The following BNC2 variants were observed in gnomAD, a reference collection of about 807,000 sequenced individuals.
BNC2 encodes zinc finger protein basonuclin-2.
Under a neutral mutation model 76.3 loss-of-function variants are expected in BNC2, and 20 were observed. The ratio of observed to expected loss-of-function variants is 0.26; its 90% CI spans 0.18 to 0.38. The LOEUF is 0.38. Ranked by LOEUF, BNC2 falls within the 10% of genes least tolerant of loss-of-function variation. The pLI is 1.00. For synonymous variants in BNC2, 582 were observed against 514.8 expected, an observed-to-expected ratio of 1.13 and a Z score of -1.77; for missense variants, 1,382 against 1,399.8, an observed-to-expected ratio of 0.99 and a Z score of 0.20.
At chr9:16,814,418 A>C (rs1818131987) in intron 1 of BNC2, among the ~76,000 whole-genome samples, 1 of 152,228 alleles carries the variant, frequency 6.6e-6, no homozygotes, top group African/African-American at 2.4e-5. Flanking sequence ...TTGCAACTCA[A>C]ATATTCAAAG....
Position 16,436,808 on chromosome 9 carries a change from A to C in BNC2, c.1386T>G (p.Ala462=). The C allele has an allele frequency of 6.2e-7, 1 of 1,614,248 alleles. No individual in the cohort carries two copies. Among genetic ancestry groups the C allele is most frequent in the South Asian group, 1.1e-5 (1 of 91,086 alleles). The change falls in exon 6 of 7, where the codon GCT becomes GCG. Residue 462 remains alanine, a synonymous_variant. Coordinates refer to ENST00000380672, the MANE Select transcript of BNC2 (RefSeq NM_017637.6). Reference sequence around the variant, plus strand: ...ATCGATGTTTGATCTTCAGGTGAACAGCATTGTAATGAATTTTGAGAGTAC... The same window carrying C: ...ATCGATGTTTGATCTTCAGGTGAACCGCATTGTAATGAATTTTGAGAGTAC... The part of the protein sequence containing the change: ...DKGTLKIHYN[A]VHLKIKHRCT...
chr9:16,739,397 G>A (rs773153527), intron 1 of BNC2, among the ~76,000 whole-genome samples: 12 of 152,232 alleles, frequency 7.9e-5, no homozygotes, highest in Non-Finnish European at 1.5e-4. Flanking sequence ...GGCCGGGCAT[G>A]GTGGCTCACG....
intron 5 of BNC2, among the ~76,000 whole-genome samples, chr9:16,488,017 G>A (rs373506826): frequency 2.0e-5 from 3 of 151,872 alleles, no homozygotes; most frequent in Non-Finnish European, 4.4e-5. Flanking sequence ...ACCCCAATAC[G>A]ACTATTTTTG....
intron 3 of BNC2, among the ~76,000 whole-genome samples, chr9:16,698,229 G>A (rs1420495836): frequency 6.6e-6 from 1 of 152,026 alleles, no homozygotes; most frequent in Non-Finnish European, 1.5e-5. Flanking sequence ...AAATTATGCT[G>A]CCTTCCCTAG....
chr9:16,514,037 T>TTTATATATA (rs1213258814), intron 5 of BNC2, among the ~76,000 whole-genome samples: 21 of 152,252 alleles, frequency 1.4e-4, no homozygotes, highest in Non-Finnish European at 2.1e-4. Context: ...CCTATACGTG[T>TTTATATATA]GGCTATCTCC....
chr9:16,810,266 T>TA (rs200075670), intron 1 of BNC2, among the ~76,000 whole-genome samples: 1,576 of 152,296 alleles, frequency 0.01, 31 homozygotes, highest in African/African-American at 0.036. Flanking sequence ...AGACAGCATA[T>TA]TTTCTCCCCG....
chr9:16,664,819 C>G (rs185749197), intron 3 of BNC2, among the ~76,000 whole-genome samples: 243 of 152,158 alleles, frequency 1.6e-3, no homozygotes, highest in African/African-American at 5.5e-3. Flanking sequence ...GGAATAAACT[C>G]TCAGAATTCA....
intron 6 of BNC2, among the ~76,000 whole-genome samples, chr9:16,425,579 T>G (rs1820788703): frequency 6.6e-6 from 1 of 152,198 alleles, no homozygotes; most frequent in South Asian, 2.1e-4. Context: ...AACTTTGACG[T>G]GAACGAAATC....
intron 1 of BNC2, among the ~76,000 whole-genome samples, chr9:16,814,566 A>G (rs17743666): frequency 0.028 from 4,289 of 152,310 alleles, 87 homozygotes; most frequent in South Asian, 0.091. Context: ...AAACAAAGAG[A>G]TCACAGTTAA....
rs923958815 is a variant in BNC2, at chr9:16,417,144, A to G, written c.*1845T>C. 6.7e-6 allele frequency: 1 copy of G among 148,966 alleles called. No homozygotes were observed. The highest frequency in any genetic ancestry group is 2.2e-4 in the South Asian group (1 of 4,580). The allele number at this position is 148,966 out of a possible 1,614,324, so 9.2% of individuals were successfully genotyped here. ...CTTCTTTTCCCCTCCACTTAAAAAA[A>G]AAGGAAAAAAGAAAAAAAAAAGACA... On this transcript the variant is annotated 3_prime_UTR_variant, in exon 7 of 7. Coordinates refer to ENST00000380672, the MANE Select transcript of BNC2 (RefSeq NM_017637.6).
intron 5 of BNC2, among the ~76,000 whole-genome samples, chr9:16,507,023 G>A (rs1822643816): frequency 6.6e-6 from 1 of 152,014 alleles, no homozygotes; most frequent in African/African-American, 2.4e-5. Flanking sequence ...CAAAGGGCTG[G>A]GATTACAGGC....
At chr9:16,647,725 G>A (rs1000968303) in intron 3 of BNC2, among the ~76,000 whole-genome samples, 2 of 152,060 alleles carry the variant, frequency 1.3e-5, no homozygotes, top group African/African-American at 4.8e-5. Flanking sequence ...ATCAATATGT[G>A]TATTCCCATC....
At chr9:16,544,718 G>C (rs1347059413) in intron 5 of BNC2, among the ~76,000 whole-genome samples, 2 of 151,068 alleles carry the variant, frequency 1.3e-5, no homozygotes, top group Non-Finnish European at 2.9e-5. Context: ...GCTGAGGCAG[G>C]AGAATCACCC....
chr9:16,757,418 T>A (rs1424538385), intron 1 of BNC2, among the ~76,000 whole-genome samples: 1 of 152,176 alleles, frequency 6.6e-6, no homozygotes, highest in East Asian at 1.9e-4. Flanking sequence ...AAGACAGAGA[T>A]AAACTCACTC....
At chr9:16,707,957 TC>T (rs1272781412) in intron 3 of BNC2, among the ~76,000 whole-genome samples, 1 of 152,082 alleles carries the variant, frequency 6.6e-6, no homozygotes, top group Non-Finnish European at 1.5e-5. Context: ...AATTTTATAA[TC>T]TAAGTATTCA....
chr9:16,850,325 G>A (rs1819099711), intron 1 of BNC2, among the ~76,000 whole-genome samples: 1 of 152,108 alleles, frequency 6.6e-6, no homozygotes, highest in South Asian at 2.1e-4. Flanking sequence ...ATGCATGTAT[G>A]GTACGCATGA....
chr9:16,585,789 G>A (rs752212537), intron 3 of BNC2, among the ~76,000 whole-genome samples: 10 of 152,040 alleles, frequency 6.6e-5, no homozygotes, highest in Admixed American at 5.9e-4. Context: ...GGGAAGAGTC[G>A]AAATGAATAT....
chr9:16,787,765 G>A (rs1007367997), intron 1 of BNC2, among the ~76,000 whole-genome samples: 1 of 152,106 alleles, frequency 6.6e-6, no homozygotes, highest in Non-Finnish European at 1.5e-5. Context: ...TGCCCGGGCT[G>A]GTCTTGAACT....
intron 3 of BNC2, among the ~76,000 whole-genome samples, chr9:16,676,311 CAT>C (rs1822640766): frequency 6.6e-6 from 1 of 152,172 alleles, no homozygotes; most frequent in Admixed American, 6.5e-5. Flanking sequence ...ATATATATGA[CAT>C]GTGTGTATGT....
Sources: allele counts gnomAD v4.1 joint callset (sites outside exome capture counted in the v4.1 genomes callset), GRCh38; gene constraint gnomAD v4.1.1; transcripts MANE v1.5; gene names NCBI Gene and HGNC (gene_info 2026-07-23, HGNC 2026-07-21).